Variants in XKR4 observed in about 807,000 individuals in gnomAD.
The protein encoded by XKR4 is XK-related protein 4.
In XKR4, 12 loss-of-function variants were observed where a neutral mutation model predicts 53.9. The ratio of observed to expected loss-of-function variants is 0.22; its 90% confidence interval spans 0.14 to 0.36. XKR4 has a LOEUF of 0.36. Among genes scored for constraint, XKR4 ranks in the 10% least tolerant of loss-of-function variants. The pLI, the probability that XKR4 is intolerant of heterozygous loss-of-function variation, is 1.00. For synonymous variants in XKR4, 354 were observed against 362.4 expected, an observed-to-expected ratio of 0.98 and a Z score of 0.26; for missense variants, 799 against 859.5, an observed-to-expected ratio of 0.93 and a Z score of 0.88.
chr8:55,372,889 G>C (rs922218601), intron 2 of XKR4, among the ~76,000 whole-genome samples: 1 of 152,174 alleles, frequency 6.6e-6, no homozygotes, highest in Admixed American at 6.5e-5. Flanking sequence ...GTGTGGAATA[G>C]AGACAGCCCT....
At position 55,530,193 on chromosome 8, in the gene XKR4, AAGGAAGGAAGGAAGG is replaced by A. The variant is rs1192833977; in HGVS notation, c.*5969_*5983del. ...GAAGGAAGGAAGGAAGGAAGGAAGG[AAGGAAGGAAGGAAGG>A]AGATTTAACAAGTCTTTGAAGTGAT... On this transcript the variant is annotated 3_prime_UTR_variant, in exon 3 of 3. Transcript: ENST00000327381. 1 of 129,846 alleles carries A rather than the reference AAGGAAGGAAGGAAGG, an allele frequency of 7.7e-6. No individual in the cohort carries two copies. The highest frequency in any genetic ancestry group is 1.7e-5 in the Non-Finnish European group (1 of 58,440). 8.0% of individuals were successfully genotyped at this position (129,846 alleles called of 1,614,324 possible).
At chr8:55,417,745 C>T (rs536583340) in intron 2 of XKR4, among the ~76,000 whole-genome samples, 2 of 152,234 alleles carry the variant, frequency 1.3e-5, no homozygotes, top group South Asian at 2.1e-4. Context: ...AACCGCATAA[C>T]GAATGTTCAT....
intron 1 of XKR4, among the ~76,000 whole-genome samples, chr8:55,156,977 C>T (rs1047721515): frequency 7.9e-5 from 12 of 152,246 alleles, no homozygotes; most frequent in Non-Finnish European, 1.5e-4. Context: ...CACACCTTGT[C>T]TTCTGATTTG....
chr8:55,170,862 G>A (rs1473322784), intron 1 of XKR4, among the ~76,000 whole-genome samples: 1 of 152,148 alleles, frequency 6.6e-6, no homozygotes, highest in Admixed American at 6.5e-5. Context: ...GGCAAGGGGT[G>A]AGCTGCACGG....
intron 1 of XKR4, among the ~76,000 whole-genome samples, chr8:55,162,234 G>A (rs777797732): frequency 5.3e-5 from 8 of 152,086 alleles, no homozygotes; most frequent in Non-Finnish European, 1.0e-4. Context: ...GAGTGCCTCC[G>A]ACAGGCTGTA....
At chr8:55,479,380 T>C (rs1201117601) in intron 2 of XKR4, among the ~76,000 whole-genome samples, 1 of 151,680 alleles carries the variant, frequency 6.6e-6, no homozygotes, top group Non-Finnish European at 1.5e-5. Flanking sequence ...TACCAGAATC[T>C]CTGGGACACA....
At position 55,279,241 on chromosome 8, in the gene XKR4, G is replaced by A. The variant is rs114372030; in HGVS notation, c.807-78437G>A. Among the ~76,000 whole-genome samples, 1,428 of 152,322 alleles carry A rather than the reference G, an allele frequency of 9.4e-3. 18 individuals are homozygous for A. Among genetic ancestry groups the A allele is most frequent in the African/African-American group, 0.033 (1,357 of 41,578 alleles). ...CAAGCTTTCAAGTGAAGCTTGAAAA[G>A]TGTTAACCGTGAGTGTGTTTGTGAA... On this transcript the variant is annotated intron_variant, in intron 1 of 2. Transcript: ENST00000327381.
intron 1 of XKR4, among the ~76,000 whole-genome samples, chr8:55,255,124 A>G (rs186005278): frequency 6.6e-6 from 1 of 152,278 alleles, no homozygotes; most frequent in East Asian, 1.9e-4. Flanking sequence ...ATGTCTCCAC[A>G]ATTACATTCA....
chr8:55,454,303 G>C, intron 2 of XKR4: 1 of 1,456,810 alleles, frequency 6.9e-7, no homozygotes, highest in Non-Finnish European at 9.6e-7. Context: ...AGGCCGCATT[G>C]ACCCCGATTA....
intron 2 of XKR4, among the ~76,000 whole-genome samples, chr8:55,406,037 C>T (rs781754044): frequency 6.6e-6 from 1 of 152,208 alleles, no homozygotes; most frequent in Non-Finnish European, 1.5e-5. Flanking sequence ...TGCAATTGAT[C>T]AGTTGACCCT....
At chr8:55,165,649 C>CA (rs1363205654) in intron 1 of XKR4, among the ~76,000 whole-genome samples, 1 of 151,214 alleles carries the variant, frequency 6.6e-6, no homozygotes, top group Non-Finnish European at 1.5e-5. Context: ...GAAATAAATA[C>CA]AAAAAATTAG....
At chr8:55,370,641 A>G (rs550639033) in intron 2 of XKR4, among the ~76,000 whole-genome samples, 36 of 152,242 alleles carry the variant, frequency 2.4e-4, no homozygotes, top group Non-Finnish European at 1.5e-5. Flanking sequence ...TACATAGGAG[A>G]GTTGTGATTT....
intron 1 of XKR4, among the ~76,000 whole-genome samples, chr8:55,304,390 A>G (rs1303161579): frequency 6.6e-6 from 1 of 152,106 alleles, no homozygotes; most frequent in Non-Finnish European, 1.5e-5. Context: ...GTTCTTTTAC[A>G]TTTGCTGAGG....
At chr8:55,280,018 G>A (rs1400917117) in intron 1 of XKR4, among the ~76,000 whole-genome samples, 2 of 152,186 alleles carry the variant, frequency 1.3e-5, no homozygotes, top group African/African-American at 4.8e-5. Flanking sequence ...CATCATTAAT[G>A]ATGACCAAAT....
At chr8:55,122,010 T>C (rs1816398374) in intron 1 of XKR4, among the ~76,000 whole-genome samples, 1 of 152,194 alleles carries the variant, frequency 6.6e-6, no homozygotes. Context: ...AAATCTTCTT[T>C]TTAAAAAATA....
At chr8:55,503,752 C>A (rs1016321136) in intron 2 of XKR4, among the ~76,000 whole-genome samples, 18 of 152,088 alleles carry the variant, frequency 1.2e-4, no homozygotes, top group Admixed American at 1.0e-3. Context: ...AGAGAAGTTG[C>A]AAAAGTGGGC....
rs955118026 is a variant in XKR4, at chr8:55,526,321, G to C, written c.*2094G>C. The C allele has an allele frequency of 6.6e-6, 1 of 152,024 alleles. No individual in the cohort carries two copies. Among genetic ancestry groups the C allele is most frequent in the Non-Finnish European group, 1.5e-5 (1 of 67,996 alleles). The allele number at this position is 152,024 out of a possible 1,614,324, so 9.4% of individuals were successfully genotyped here. On this transcript the variant is annotated 3_prime_UTR_variant, in exon 3 of 3. Coordinates refer to ENST00000327381, the MANE Select transcript of XKR4 (RefSeq NM_052898.2). ...GAGGGCTCAACCTAGGACTTCTTTT[G>C]GTACAAAGCCCCAAATCAATTTTTT...
chr8:55,181,822 T>G (rs1188713579), intron 1 of XKR4, among the ~76,000 whole-genome samples: 4 of 152,014 alleles, frequency 2.6e-5, no homozygotes, highest in African/African-American at 9.7e-5. Context: ...TGCTGGGAAA[T>G]TTAAGACCAA....
At chr8:55,346,247 G>A (rs768646312) in intron 1 of XKR4, among the ~76,000 whole-genome samples, 4 of 151,802 alleles carry the variant, frequency 2.6e-5, no homozygotes, top group Middle Eastern at 3.4e-3. Context: ...TACCACACTC[G>A]GCTAATTTTT....
Sources: allele counts gnomAD v4.1 joint callset (sites outside exome capture counted in the v4.1 genomes callset), GRCh38; gene constraint gnomAD v4.1.1; transcripts MANE v1.5; gene names NCBI Gene and HGNC (gene_info 2026-07-23, HGNC 2026-07-21).